The following MEI4 variants were observed in gnomAD, a reference collection of about 807,000 sequenced individuals.
MEI4 encodes meiotic double-stranded break formation protein 4, also known as meiosis-specific protein MEI4.
Under a neutral mutation model 31.4 loss-of-function variants are expected in MEI4, and 27 were observed. The observed-to-expected ratio is 0.86, with a 90% confidence interval of 0.63 to 1.19. The LOEUF (loss-of-function observed/expected upper bound fraction) is 1.19. MEI4 is among the 50% of genes most tolerant of loss of function. The pLI is 0.00. For synonymous variants in MEI4, 122 were observed against 145.4 expected (o/e 0.84, Z 1.16); for missense variants, 329 against 398.9 (o/e 0.82, Z 1.49).
At chr6:77,865,482 A>T (rs992647633) in intron 4 of MEI4, among the ~76,000 whole-genome samples, 1 of 152,226 alleles carries the variant, frequency 6.6e-6, no homozygotes, top group African/African-American at 2.4e-5. Flanking sequence ...AATCTAGAAG[A>T]AATGGATAAA....
At chr6:77,843,396 C>T (rs1770409844) in intron 4 of MEI4, among the ~76,000 whole-genome samples, 1 of 151,852 alleles carries the variant, frequency 6.6e-6, no homozygotes, top group Admixed American at 6.6e-5. Flanking sequence ...GGCAGAAAAT[C>T]CCAGTGATTT....
chr6:77,800,193 C>T (rs1327772503), intron 3 of MEI4, among the ~76,000 whole-genome samples: 1 of 152,166 alleles, frequency 6.6e-6, no homozygotes, highest in Admixed American at 6.5e-5. Context: ...TATAGTTCTC[C>T]TTGAAGAGGT....
intron 3 of MEI4, among the ~76,000 whole-genome samples, chr6:77,766,323 C>T (rs1236716792): frequency 1.3e-5 from 2 of 152,088 alleles, no homozygotes; most frequent in East Asian, 1.9e-4. Context: ...CTAGTACTGT[C>T]GTTTTTGCTT....
At chr6:77,796,675 A>AT (rs1002818691) in intron 3 of MEI4, among the ~76,000 whole-genome samples, 9 of 152,202 alleles carry the variant, frequency 5.9e-5, no homozygotes, top group African/African-American at 1.9e-4. Context: ...AATGAATACT[A>AT]TAAGACGTTT....
chr6:77,739,946 A>G (rs1424932676), intron 2 of MEI4, among the ~76,000 whole-genome samples: 1 of 151,954 alleles, frequency 6.6e-6, no homozygotes, highest in Admixed American at 6.6e-5. Flanking sequence ...TAATGCTATA[A>G]TTTTTCCTCC....
intron 1 of MEI4, among the ~76,000 whole-genome samples, chr6:77,682,934 G>C (rs1171811683): frequency 1.3e-5 from 2 of 152,184 alleles, no homozygotes; most frequent in African/African-American, 4.8e-5. Flanking sequence ...CAGGAAGGTA[G>C]ATTAGAGAAG....
intron 4 of MEI4, among the ~76,000 whole-genome samples, chr6:77,921,511 T>C (rs893011594): frequency 2.0e-5 from 3 of 151,810 alleles, no homozygotes; most frequent in African/African-American, 7.2e-5. Flanking sequence ...GGAAGAGAAC[T>C]TTACTTTTAA....
chr6:77,734,430 G>A (rs1368443944), intron 2 of MEI4, among the ~76,000 whole-genome samples: 2 of 152,006 alleles, frequency 1.3e-5, no homozygotes, highest in Admixed American at 1.3e-4. Context: ...TTGGTTTAAA[G>A]TCTGTTTTAT....
intron 4 of MEI4, among the ~76,000 whole-genome samples, chr6:77,896,386 T>C (rs1766084846): frequency 2.0e-5 from 3 of 152,082 alleles, no homozygotes; most frequent in Admixed American, 2.0e-4. Context: ...TATGATGATA[T>C]TGGGTTAGAC....
At chr6:77,752,112 C>T (rs1042055413) in intron 2 of MEI4, among the ~76,000 whole-genome samples, 5 of 152,102 alleles carry the variant, frequency 3.3e-5, no homozygotes, top group Admixed American at 1.3e-4. Flanking sequence ...ATTGATGGAA[C>T]GTATCTCAAA....
At chr6:77,737,594 ACCTTTCTGAG>A (rs1767286301) in intron 2 of MEI4, among the ~76,000 whole-genome samples, 1 of 151,934 alleles carries the variant, frequency 6.6e-6, no homozygotes, top group East Asian at 1.9e-4. Flanking sequence ...GATCATGGAG[ACCTTTCTGAG>A]GAAGGGACAT....
At chr6:77,683,856 A>G (rs922855645) in intron 1 of MEI4, among the ~76,000 whole-genome samples, 4 of 152,176 alleles carry the variant, frequency 2.6e-5, no homozygotes, top group Non-Finnish European at 5.9e-5. Context: ...GAGTGCAGAT[A>G]TCTTTTTGAC....
intron 2 of MEI4, among the ~76,000 whole-genome samples, chr6:77,733,906 A>G (rs9448185): frequency 0.01 from 1,578 of 152,160 alleles, 43 homozygotes; most frequent in African/African-American, 0.036. Flanking sequence ...ATTCAGGAGC[A>G]TGTTGTTCAG....
At chr6:77,859,346 A>G (rs1770814986) in intron 4 of MEI4, among the ~76,000 whole-genome samples, 2 of 152,144 alleles carry the variant, frequency 1.3e-5, no homozygotes, top group East Asian at 1.9e-4. Context: ...ATGTGTCTTT[A>G]GAGTAGAATG....
intron 2 of MEI4, among the ~76,000 whole-genome samples, chr6:77,735,173 G>T (rs1767149847): frequency 6.6e-6 from 1 of 152,054 alleles, no homozygotes; most frequent in African/African-American, 2.4e-5. Flanking sequence ...GAATTTGAAT[G>T]TTGGCCTGCC....
At chr6:77,736,134 G>A (rs904479099) in intron 2 of MEI4, among the ~76,000 whole-genome samples, 1 of 152,096 alleles carries the variant, frequency 6.6e-6, no homozygotes, top group African/African-American at 2.4e-5. Flanking sequence ...AGGCAGGCAG[G>A]CCTCCTTTGA....
intron 2 of MEI4, among the ~76,000 whole-genome samples, chr6:77,759,614 T>C (rs377666510): frequency 6.6e-6 from 1 of 152,342 alleles, no homozygotes. Flanking sequence ...ATGGAATGCA[T>C]GTATTCATAC....
intron 3 of MEI4, among the ~76,000 whole-genome samples, chr6:77,766,453 GC>G (rs1406235528): frequency 6.6e-6 from 1 of 151,994 alleles, no homozygotes; most frequent in Non-Finnish European, 1.5e-5. Flanking sequence ...TCTCTCTGTT[GC>G]CCAGGCTGGA....
At chr6:77,868,108 A>C (rs1469967874) in intron 4 of MEI4, among the ~76,000 whole-genome samples, 1 of 151,942 alleles carries the variant, frequency 6.6e-6, no homozygotes, top group Non-Finnish European at 1.5e-5. Flanking sequence ...TAGGAGATTT[A>C]CCTAATTTTA....
Sources: gnomAD v4.1 joint callset for allele counts (sites outside exome capture counted in the v4.1 genomes callset) on GRCh38, gnomAD v4.1.1 for gene constraint, MANE v1.5 for transcripts, NCBI Gene and HGNC (gene_info 2026-07-23, HGNC 2026-07-21) for gene names.